NCMAP: variants seen among roughly 807,000 people sequenced by gnomAD.
NCMAP encodes noncompact myelin-associated protein.
In NCMAP, 8 loss-of-function variants were observed where a neutral mutation model predicts 7.8. The ratio of observed to expected loss-of-function variants is 1.02; its 90% confidence interval spans 0.60 to 1.84. NCMAP has a LOEUF of 1.84. Ranked by LOEUF, NCMAP falls within the 40% of genes most tolerant of loss-of-function variation. NCMAP has a pLI of 0.00. For missense variants in NCMAP, 112 were observed against 131.4 expected (o/e 0.85, Z 0.72); for synonymous variants, 41 against 52.9 (o/e 0.78, Z 0.98).
chr1:24,558,893 T>G (rs147444390), intron 1 of NCMAP, among the ~76,000 whole-genome samples: 15 of 152,030 alleles, frequency 9.9e-5, no homozygotes, highest in South Asian at 8.3e-4. Context: ...TAAATTGGGA[T>G]GAAAGGTTAA....
chr1:24,560,642 G>C (rs1365173295), intron 1 of NCMAP, among the ~76,000 whole-genome samples: 1 of 152,098 alleles, frequency 6.6e-6, no homozygotes, highest in Non-Finnish European at 1.5e-5. Flanking sequence ...TCCTCGGGAG[G>C]CTGAGGTGGG....
intron 1 of NCMAP, among the ~76,000 whole-genome samples, chr1:24,572,990 G>A (rs1488253738): frequency 6.6e-6 from 1 of 150,666 alleles, no homozygotes; most frequent in Non-Finnish European, 1.5e-5. Context: ...TGAACATGAA[G>A]CCCATGCCCA....
At chr1:24,580,700 C>T (rs1250092795) in intron 1 of NCMAP, among the ~76,000 whole-genome samples, 1 of 152,180 alleles carries the variant, frequency 6.6e-6, no homozygotes, top group Non-Finnish European at 1.5e-5. Flanking sequence ...CTCAGGTGAT[C>T]CGCCCGTCTC....
At chr1:24,575,196 G>C (rs935564416) in intron 1 of NCMAP, among the ~76,000 whole-genome samples, 1 of 151,924 alleles carries the variant, frequency 6.6e-6, no homozygotes, top group Admixed American at 6.5e-5. Flanking sequence ...GGGCGACAGA[G>C]TGAGACTTTG....
At chr1:24,571,288 A>G (rs1651382961) in intron 1 of NCMAP, among the ~76,000 whole-genome samples, 1 of 150,334 alleles carries the variant, frequency 6.7e-6, no homozygotes, top group Non-Finnish European at 1.5e-5. Context: ...CAGCCTGGCC[A>G]ACATAGTGAA....
At chr1:24,596,580 G>A (rs1284883475) in intron 2 of NCMAP, among the ~76,000 whole-genome samples, 1 of 152,086 alleles carries the variant, frequency 6.6e-6, no homozygotes, top group African/African-American at 2.4e-5. Context: ...GCTACACGGG[G>A]GGTGCTGAGG....
At chr1:24,585,818 G>A (rs934284368) in intron 1 of NCMAP, among the ~76,000 whole-genome samples, 1 of 152,190 alleles carries the variant, frequency 6.6e-6, no homozygotes, top group Non-Finnish European at 1.5e-5. Context: ...GAGATGGAGA[G>A]GAAGATCAGG....
intron 1 of NCMAP, among the ~76,000 whole-genome samples, chr1:24,557,565 C>T (rs770346016): frequency 6.6e-5 from 10 of 152,058 alleles, no homozygotes; most frequent in African/African-American, 9.7e-5. Flanking sequence ...CCCATCAGCC[C>T]GTGGGAGTGG....
chr1:24,605,094 T>C (rs111938943), intron 3 of NCMAP, among the ~76,000 whole-genome samples: 8,163 of 151,284 alleles, frequency 0.054, 749 homozygotes, highest in African/African-American at 0.19. Context: ...CCAGCCTGGG[T>C]GACAGAGCCA....
chr1:24,581,817 G>A (rs1039459862), intron 1 of NCMAP, among the ~76,000 whole-genome samples: 1 of 152,200 alleles, frequency 6.6e-6, no homozygotes, highest in Admixed American at 6.5e-5. Context: ...CCCTTGGCAG[G>A]GAGGAACTCT....
At chr1:24,575,286 T>A (rs1336117166) in intron 1 of NCMAP, among the ~76,000 whole-genome samples, 1 of 151,956 alleles carries the variant, frequency 6.6e-6, no homozygotes, top group Non-Finnish European at 1.5e-5. Flanking sequence ...AAAGTTTCAG[T>A]TTTTTTCCCT....
In NCMAP at chr1:24,597,601, GA is replaced by G. The variant is rs1169451335; in HGVS notation, c.82+2092del. On this transcript the variant is annotated intron_variant, in intron 2 of 3. Coordinates refer to ENST00000374392, the MANE Select transcript of NCMAP (RefSeq NM_001010980.5). ...AAAACAAAAGAGAAGAAAGAAGAAA[GA>G]AAGAAAGAAAGAAAGAGAAAGAAAG... Among the ~76,000 whole-genome samples the G allele has an allele frequency of 6.7e-3, 567 of 85,226 alleles. 30 individuals are homozygous for G. The highest frequency in any genetic ancestry group is 0.032 in the African/African-American group (538 of 16,756). The allele number at this position is 85,226 out of a possible 152,430, so 55.9% of individuals were successfully genotyped here. A position where few individuals can be genotyped will look rare whatever the true frequency, so the allele number is the denominator to read the frequency against.
At chr1:24,557,254 G>C (rs990337216) in intron 1 of NCMAP, among the ~76,000 whole-genome samples, 1 of 152,208 alleles carries the variant, frequency 6.6e-6, no homozygotes, top group Non-Finnish European at 1.5e-5. Context: ...GGCACAAATA[G>C]TGAATTTACA....
intron 1 of NCMAP, chr1:24,563,532 AAC>A (rs1421779531): frequency 1.2e-3 from 106 of 92,128 alleles, no homozygotes; most frequent in African/African-American, 4.9e-3. Context: ...CAAAAACAAC[AAC>A]AAAAAAAAAA....
intron 1 of NCMAP, among the ~76,000 whole-genome samples, chr1:24,582,912 T>C (rs10158545): frequency 0.1 from 15,188 of 152,198 alleles, 789 homozygotes; most frequent in East Asian, 0.17. Flanking sequence ...GAATAATATA[T>C]GGAGAAAACA....
At chr1:24,584,688 TG>T (rs987611350) in intron 1 of NCMAP, among the ~76,000 whole-genome samples, 127 of 151,658 alleles carry the variant, frequency 8.4e-4, no homozygotes, top group African/African-American at 3.0e-3. Context: ...GGCGGTGGGG[TG>T]GGGTTGATGC....
At chr1:24,564,139 G>A (rs965882354) in intron 1 of NCMAP, among the ~76,000 whole-genome samples, 6 of 152,204 alleles carry the variant, frequency 3.9e-5, no homozygotes, top group East Asian at 3.9e-4. Flanking sequence ...AAGAATTTGC[G>A]AGTAGATAGG....
chr1:24,568,976 G>A (rs1372513090), intron 1 of NCMAP, among the ~76,000 whole-genome samples: 1 of 151,960 alleles, frequency 6.6e-6, no homozygotes. Flanking sequence ...TATTGTGGAG[G>A]AAGTTCTTCC....
chr1:24,591,805 C>T (rs1652056995), intron 1 of NCMAP, among the ~76,000 whole-genome samples: 1 of 151,968 alleles, frequency 6.6e-6, no homozygotes, highest in Non-Finnish European at 1.5e-5. Context: ...GGCAGGGCCC[C>T]GGATTAAGGG....
Sources: allele counts gnomAD v4.1 joint callset (sites outside exome capture counted in the v4.1 genomes callset), GRCh38; gene constraint gnomAD v4.1.1; transcripts MANE v1.5; gene names NCBI Gene and HGNC (gene_info 2026-07-23, HGNC 2026-07-21).